The following HIVEP1 variants were observed in gnomAD, a reference collection of about 807,000 sequenced individuals.
HIVEP1 encodes the protein zinc finger protein 40.
A neutral mutation model predicts 180.0 loss-of-function variants in HIVEP1; 36 were observed. The ratio of observed to expected loss-of-function variants is 0.20; its 90% CI spans 0.15 to 0.26. The LOEUF is 0.26. HIVEP1 is among the 10% of genes least tolerant of loss of function. The probability of loss-of-function intolerance (pLI) is 1.00; values close to 1 mark genes in which losing one functional copy is unlikely to be tolerated. For synonymous variants in HIVEP1, 1,239 were observed against 1,239.0 expected (o/e 1.00, Z 0.00); for missense variants, 3,143 against 3,268.7 (o/e 0.96, Z 0.94).
intron 2 of HIVEP1, among the ~76,000 whole-genome samples, chr6:12,059,782 G>A (rs879626347): frequency 2.0e-5 from 3 of 152,108 alleles, no homozygotes; most frequent in Admixed American, 2.0e-4. Context: ...AGCTCCCACT[G>A]CCTCTGAGTG....
At position 12,020,265 on chromosome 6, in the gene HIVEP1, G is replaced by A. The variant is rs6941450; in HGVS notation, c.40+4597G>A. 804 of 466,138 alleles carry A rather than the reference G, an allele frequency of 1.7e-3. 4 individuals carry two copies. The highest frequency in any genetic ancestry group is 0.012 in the African/African-American group (579 of 50,080). 28.9% of individuals were successfully genotyped at this position (466,138 alleles called of 1,614,324 possible). ...ATCTGCAGGAAACGTGGTGGGTGCC[G>A]TTTTGACACCGACCTATCCTTTGTG... is the stretch of plus-strand genomic sequence containing the variant. On this transcript the variant is annotated intron_variant, in intron 2 of 8. Coordinates refer to ENST00000379388, the MANE Select transcript of HIVEP1 (RefSeq NM_002114.4).
chr6:12,198,824 T>C, the HIVEP1 span, among the ~76,000 whole-genome samples: 151 of 152,312 alleles, frequency 9.9e-4, 2 homozygotes, highest in African/African-American at 3.0e-3. Flanking sequence ...TAAATGTTAA[T>C]CTCATCTAAA....
intron 5 of HIVEP1, among the ~76,000 whole-genome samples, chr6:12,130,136 T>C (rs1758338626): frequency 1.3e-5 from 2 of 152,206 alleles, no homozygotes; most frequent in Non-Finnish European, 2.9e-5. Flanking sequence ...ACTAAATTAT[T>C]AGAGTGAACC....
chr6:12,113,692 A>G (rs1775045538), intron 3 of HIVEP1, among the ~76,000 whole-genome samples: 1 of 152,156 alleles, frequency 6.6e-6, no homozygotes, highest in Non-Finnish European at 1.5e-5. Context: ...CCACTCTACT[A>G]ATAGATGAAC....
At chr6:12,178,351 G>A in the HIVEP1 span, among the ~76,000 whole-genome samples, 16 of 152,208 alleles carry the variant, frequency 1.1e-4, no homozygotes, top group African/African-American at 3.4e-4. Context: ...CACTTTGAGA[G>A]ACCGAGGTGG....
intron 3 of HIVEP1, among the ~76,000 whole-genome samples, chr6:12,100,154 A>G (rs958641702): frequency 3.9e-5 from 6 of 152,106 alleles, no homozygotes; most frequent in African/African-American, 1.2e-4. Context: ...GGTGGTAGAA[A>G]TGTTAATCAA....
At chr6:12,130,973 T>A (rs763358081) in intron 6 of HIVEP1, 31 bp downstream of exon 6, 2 of 1,522,786 alleles carry the variant, frequency 1.3e-6, no homozygotes, top group Non-Finnish European at 1.8e-6. Flanking sequence ...CAAGGTCCTT[T>A]TAATATGTAT....
At chr6:12,115,347 ATTCTTTT>A (rs1202218542) in intron 3 of HIVEP1, among the ~76,000 whole-genome samples, 10 of 73,466 alleles carry the variant, frequency 1.4e-4, no homozygotes, top group African/African-American at 6.7e-4. Context: ...TTCCCCAACT[ATTCTTTT>A]TTTTTTTTTT....
intron 7 of HIVEP1, among the ~76,000 whole-genome samples, chr6:12,152,828 G>A (rs374744659): frequency 1.3e-5 from 2 of 149,526 alleles, no homozygotes; most frequent in African/African-American, 2.5e-5. Flanking sequence ...GCCACCCTGG[G>A]TGTCTTCTCA....
intron 7 of HIVEP1, among the ~76,000 whole-genome samples, chr6:12,152,998 AAAG>A (rs1322149398): frequency 4.6e-5 from 7 of 152,370 alleles, no homozygotes; most frequent in South Asian, 4.1e-4. Flanking sequence ...ATATGCTAAA[AAAG>A]AAATCAGCAT....
chr6:12,093,371 TA>T (rs1209313409), intron 3 of HIVEP1, among the ~76,000 whole-genome samples: 3 of 151,722 alleles, frequency 2.0e-5, no homozygotes, highest in Non-Finnish European at 4.4e-5. Flanking sequence ...CTCTTGATTT[TA>T]ATACTGTCAA....
chr6:12,176,739 T>C, the HIVEP1 span, among the ~76,000 whole-genome samples: 2 of 152,216 alleles, frequency 1.3e-5, no homozygotes, highest in Admixed American at 1.3e-4. Flanking sequence ...ATTAGACCTT[T>C]GTCAGATGCA....
At chr6:12,132,257 T>C (rs555712649) in intron 6 of HIVEP1, among the ~76,000 whole-genome samples, 3 of 152,162 alleles carry the variant, frequency 2.0e-5, no homozygotes, top group Non-Finnish European at 4.4e-5. Flanking sequence ...AATTTATTGC[T>C]TTTTCACTCA....
At chr6:12,059,366 T>C (rs1771083648) in intron 2 of HIVEP1, among the ~76,000 whole-genome samples, 2 of 152,132 alleles carry the variant, frequency 1.3e-5, no homozygotes, top group Admixed American at 1.3e-4. Context: ...TCCTACATTT[T>C]TTGGGGGGCG....
At chr6:12,196,975 GCT>G in the HIVEP1 span, among the ~76,000 whole-genome samples, 3 of 152,140 alleles carry the variant, frequency 2.0e-5, no homozygotes, top group African/African-American at 7.2e-5. Flanking sequence ...CACATTCCTT[GCT>G]CTCAAAAAAT....
intron 3 of HIVEP1, among the ~76,000 whole-genome samples, chr6:12,090,902 T>C (rs1773434800): frequency 6.6e-6 from 1 of 152,044 alleles, no homozygotes; most frequent in Admixed American, 6.6e-5. Context: ...ACAAAGGTTC[T>C]AGAAAGAGAA....
rs920215103 is a variant in HIVEP1, at chr6:12,150,698, C to T, written c.6488-10741C>T. 2.6e-5 allele frequency among the ~76,000 whole-genome samples: 4 copies of T among 152,058 alleles called. 1 individual carries two copies. The highest frequency in any genetic ancestry group is 4.1e-4 in the South Asian group (2 of 4,830). On this transcript the variant is annotated intron_variant, in intron 7 of 8. Transcript: ENST00000379388. ...AGTGCTAATATTATTTTGAATGACACGCACGTGACACAGTATTTTGGTTTA... is the reference window on the plus strand; with the variant it reads ...AGTGCTAATATTATTTTGAATGACATGCACGTGACACAGTATTTTGGTTTA...
chr6:12,182,375 G>A, the HIVEP1 span, among the ~76,000 whole-genome samples: 230 of 152,154 alleles, frequency 1.5e-3, no homozygotes, highest in African/African-American at 4.2e-3. Context: ...TCTTCCTGTC[G>A]TGCCTCAGGG....
chr6:12,047,540 T>G (rs1770221084), intron 2 of HIVEP1, among the ~76,000 whole-genome samples: 1 of 152,204 alleles, frequency 6.6e-6, no homozygotes, highest in South Asian at 2.1e-4. Flanking sequence ...CTGGGCAGCC[T>G]AGGTCACATC....
Sources: allele counts gnomAD v4.1 joint callset (sites outside exome capture counted in the v4.1 genomes callset), GRCh38; gene constraint gnomAD v4.1.1; transcripts MANE v1.5; gene names NCBI Gene and HGNC (gene_info 2026-07-23, HGNC 2026-07-21).